ABCC1: variants seen among roughly 807,000 people sequenced by gnomAD.
ABCC1 encodes multidrug resistance-associated protein 1.
A neutral mutation model predicts 172.9 loss-of-function variants in ABCC1; 83 were observed. That is an observed-to-expected ratio of 0.48 (90% CI 0.40 to 0.58). ABCC1 has a LOEUF of 0.58. ABCC1 is among the 20% of genes least tolerant of loss of function. ABCC1 has a pLI of 0.00. For synonymous variants in ABCC1, 937 were observed against 825.2 expected (o/e 1.14, Z -2.32); for missense variants, 1,817 against 2,002.7 (o/e 0.91, Z 1.77).
chr16:15,971,612 T>C (rs116029568), intron 1 of ABCC1, among the ~76,000 whole-genome samples: 1 of 152,322 alleles, frequency 6.6e-6, no homozygotes, highest in African/African-American at 2.4e-5. Context: ...TTCTTCTGGC[T>C]ACTTCCTGGT....
At chr16:16,013,045 T>C (rs182521419) in intron 3 of ABCC1, among the ~76,000 whole-genome samples, 26 of 152,206 alleles carry the variant, frequency 1.7e-4, no homozygotes, top group Admixed American at 1.2e-3. Context: ...GGGGTGATAG[T>C]CTGAGGGTTG....
chr16:16,030,831 G>T (rs1391231565), intron 5 of ABCC1, among the ~76,000 whole-genome samples: 1 of 151,932 alleles, frequency 6.6e-6, no homozygotes, highest in African/African-American at 2.4e-5. Context: ...GCCTGGTGCG[G>T]GTAGGGCCCG....
intron 24 of ABCC1, 54 bp downstream of exon 24, chr16:16,122,228 T>C: frequency 6.3e-7 from 1 of 1,585,054 alleles, no homozygotes; most frequent in Non-Finnish European, 8.6e-7. Context: ...TAGCACCTTG[T>C]CTCTTTGCCT....
At chr16:15,957,375 C>T (rs772172000) in intron 1 of ABCC1, among the ~76,000 whole-genome samples, 2 of 151,110 alleles carry the variant, frequency 1.3e-5, no homozygotes, top group African/African-American at 4.9e-5. Flanking sequence ...TGTGAGCCAC[C>T]GTGCTTGGCA....
At chr16:15,960,085 A>G (rs2046094371) in intron 1 of ABCC1, among the ~76,000 whole-genome samples, 1 of 152,082 alleles carries the variant, frequency 6.6e-6, no homozygotes, top group Admixed American at 6.5e-5. Flanking sequence ...CCAGTACAAG[A>G]AATTTGTGTG....
chr16:16,141,143 C>CCCCTCATGTCTGTATCCCCTCT (rs2046111702), intron 30 of ABCC1, 30 bp from the exon 31 acceptor site: 2 of 1,600,654 alleles, frequency 1.2e-6, no homozygotes, highest in South Asian at 1.1e-5. Context: ...CCCTCCCCTT[C>CCCCTCATGTCTGTATCCCCTCT]CCCTCATGTC....
chr16:16,016,571 T>C lies in ABCC1; in HGVS notation c.565T>C (p.Ser189Pro). The change falls in exon 5 of 31, where the codon TCC becomes CCC. Residue 189 changes from serine (S) to proline (P), a missense_variant. This residue lies in a region of ABCC1 where 398 missense variants were observed against 384.2 expected (regional missense o/e 1.04). Transcript: ENST00000399410. ...FSLLLIQLVL[S>P]CFSDRSPLFS... ...CCTCTTACTCATTCAGCTCGTCTTG[T>C]CCTGTTTCTCAGATCGCTCACCCCT... The C allele has an allele frequency of 6.2e-7, 1 of 1,614,184 alleles. No homozygotes were observed. Among genetic ancestry groups the C allele is most frequent in the South Asian group, 1.1e-5 (1 of 91,086 alleles).
intron 1 of ABCC1, among the ~76,000 whole-genome samples, chr16:15,987,404 G>A (rs1219771753): frequency 6.6e-6 from 1 of 152,192 alleles, no homozygotes; most frequent in Non-Finnish European, 1.5e-5. Context: ...TTGGGGATGT[G>A]GACTAGAAGC....
chr16:16,042,668 A>G (rs1597161202), intron 7 of ABCC1, among the ~76,000 whole-genome samples: 1 of 150,288 alleles, frequency 6.7e-6, no homozygotes, highest in African/African-American at 2.4e-5. Flanking sequence ...GCACCATTGC[A>G]CTCCAGCCTG....
intron 14 of ABCC1, 133 bp downstream of exon 14, chr16:16,071,862 C>A: frequency 2.5e-6 from 2 of 793,408 alleles, no homozygotes; most frequent in South Asian, 3.3e-5. Flanking sequence ...TGCGAGACCC[C>A]GGGGGACAAG....
chr16:16,098,819 G>C lies in ABCC1; in HGVS notation c.2645-3808G>C, dbSNP rs1437292071. The C allele has an allele frequency of 8.2e-6, 11 of 1,340,330 alleles. No individual in the cohort carries two copies. In the East Asian group the frequency reaches 5.0e-4, roughly 61 times the overall value. 83.0% of individuals were successfully genotyped at this position (1,340,330 alleles called of 1,614,324 possible). On this transcript the variant is annotated intron_variant, in intron 19 of 30. Transcript: ENST00000399410. ...CTCCTTTATTTAGATAGGGGCTTAG[G>C]GCGGGAGTTTCGCTTTGCTTCTTAA...
At chr16:16,046,672 A>G (rs1422783160) in intron 9 of ABCC1, among the ~76,000 whole-genome samples, 1 of 152,150 alleles carries the variant, frequency 6.6e-6, no homozygotes, top group Admixed American at 6.6e-5. Context: ...TGAACTGAGC[A>G]GGTGGCACAT....
intron 20 of ABCC1, 91 bp from the exon 21 acceptor site, chr16:16,106,646 GT>G: frequency 6.5e-7 from 1 of 1,536,254 alleles, no homozygotes; most frequent in Non-Finnish European, 8.9e-7. Flanking sequence ...TTATGCCATG[GT>G]TCAGACCCAC....
chr16:16,053,767 C>T, intron 11 of ABCC1, among the ~76,000 whole-genome samples: 1 of 88,200 alleles, frequency 1.1e-5, no homozygotes. Flanking sequence ...AGAGTGAGAC[C>T]CTGTCTCAAA....
intron 2 of ABCC1, among the ~76,000 whole-genome samples, chr16:16,008,706 G>T (rs1331391999): frequency 6.6e-6 from 1 of 151,534 alleles, no homozygotes; most frequent in African/African-American, 2.4e-5. Flanking sequence ...AGCTGGGTGT[G>T]GTGGCATGTG....
intron 27 of ABCC1, among the ~76,000 whole-genome samples, 162 bp from the exon 28 acceptor site, chr16:16,134,188 C>A (rs927575252): frequency 1.3e-5 from 2 of 152,096 alleles, no homozygotes; most frequent in Non-Finnish European, 2.9e-5. Flanking sequence ...GCCGAAACAC[C>A]CTTAAAGGAG....
intron 20 of ABCC1, among the ~76,000 whole-genome samples, chr16:16,104,709 T>C (rs1207517718): frequency 6.6e-6 from 1 of 152,092 alleles, no homozygotes; most frequent in African/African-American, 2.4e-5. Context: ...CTGGGCGCCA[T>C]GGAGCAGGGG....
chr16:15,969,479 T>C (rs1267243782), intron 1 of ABCC1, among the ~76,000 whole-genome samples: 1 of 151,742 alleles, frequency 6.6e-6, no homozygotes, highest in Non-Finnish European at 1.5e-5. Flanking sequence ...TTCGAGTGAT[T>C]CTCCTGCCTC....
At chr16:16,022,660 A>G (rs757836551) in intron 5 of ABCC1, among the ~76,000 whole-genome samples, 1 of 152,146 alleles carries the variant, frequency 6.6e-6, no homozygotes, top group Non-Finnish European at 1.5e-5. Flanking sequence ...CTGGTTTGGA[A>G]CATTCAGTGA....
Sources: allele counts gnomAD v4.1 joint callset (sites outside exome capture counted in the v4.1 genomes callset), GRCh38; gene constraint gnomAD v4.1.1; regional missense constraint gnomAD v4.1.1; transcripts MANE v1.5; gene names NCBI Gene and HGNC (gene_info 2026-07-23, HGNC 2026-07-21).